Variants in SBF2 observed in about 807,000 individuals in gnomAD.
SBF2 encodes the protein SET binding factor 2.
A neutral mutation model predicts 225.2 loss-of-function variants in SBF2; 112 were observed. The ratio of observed to expected loss-of-function variants is 0.50; its 90% CI spans 0.43 to 0.58. The LOEUF is 0.58. SBF2 is among the 20% of genes least tolerant of loss of function. The pLI, the probability that SBF2 is intolerant of heterozygous loss-of-function variation, is 0.00. For synonymous variants in SBF2, 763 were observed against 773.3 expected (o/e 0.99, Z 0.22); for missense variants, 1,996 against 2,206.2 (o/e 0.90, Z 1.91).
chr11:9,910,915 T>C (rs1590409914), intron 16 of SBF2, among the ~76,000 whole-genome samples: 1 of 139,426 alleles, frequency 7.2e-6, no homozygotes, highest in Non-Finnish European at 1.5e-5. Context: ...AAAAATTAGC[T>C]GGGCATGGTG....
At chr11:9,899,508 A>T (rs1861546827) in intron 16 of SBF2, among the ~76,000 whole-genome samples, 1 of 151,192 alleles carries the variant, frequency 6.6e-6, no homozygotes, top group Non-Finnish European at 1.5e-5. Context: ...TGTCAAAAAA[A>T]AAAAAAAGCC....
chr11:9,936,137 G>A (rs1200017590), intron 16 of SBF2, among the ~76,000 whole-genome samples: 2 of 152,162 alleles, frequency 1.3e-5, no homozygotes, highest in East Asian at 3.9e-4. Flanking sequence ...CAAAAAGTGG[G>A]TGAAGTATAT....
intron 1 of SBF2, among the ~76,000 whole-genome samples, chr11:10,263,335 T>G (rs1197496618): frequency 6.9e-6 from 1 of 145,486 alleles, no homozygotes; most frequent in Non-Finnish European, 1.5e-5. Flanking sequence ...AAAATTCAAG[T>G]TTTTTTTTAA....
chr11:10,075,013 T>C (rs1295662789), intron 2 of SBF2, among the ~76,000 whole-genome samples: 1 of 152,214 alleles, frequency 6.6e-6, no homozygotes, highest in East Asian at 1.9e-4. Flanking sequence ...AACAATGGAA[T>C]AAACTATGTC....
chr11:10,135,371 A>G (rs1954297169), intron 2 of SBF2, among the ~76,000 whole-genome samples: 1 of 152,210 alleles, frequency 6.6e-6, no homozygotes, highest in South Asian at 2.1e-4. Context: ...GGCCTTGGCA[A>G]TTAACATTTG....
intron 13 of SBF2, among the ~76,000 whole-genome samples, chr11:9,975,080 C>T (rs190579933): frequency 5.6e-4 from 83 of 149,154 alleles, no homozygotes; most frequent in Admixed American, 1.5e-3. Context: ...TGCAAAATAA[C>T]GTAGACACTT....
intron 28 of SBF2, among the ~76,000 whole-genome samples, chr11:9,829,135 A>T (rs1429343182): frequency 6.6e-6 from 1 of 152,210 alleles, no homozygotes; most frequent in Non-Finnish European, 1.5e-5. Context: ...AAAACAAAAA[A>T]GAAAAAACTG....
chr11:9,899,265 A>C (rs1861523790), intron 16 of SBF2, among the ~76,000 whole-genome samples: 1 of 151,350 alleles, frequency 6.6e-6, no homozygotes, highest in African/African-American at 2.4e-5. Context: ...AAGCCAAGGC[A>C]GGAGGACTGC....
chr11:10,149,271 C>T (rs1232854070), intron 2 of SBF2: 4 of 152,192 alleles, frequency 2.6e-5, no homozygotes, highest in Non-Finnish European at 4.4e-5. Flanking sequence ...TGTGTAGCCA[C>T]TCGGCTACAC....
intron 1 of SBF2, among the ~76,000 whole-genome samples, chr11:10,255,588 G>A (rs1217126015): frequency 6.6e-6 from 1 of 152,148 alleles, no homozygotes; most frequent in Non-Finnish European, 1.5e-5. Context: ...AACACTATTA[G>A]GCTTTCCTAG....
At chr11:10,028,602 C>T (rs1436758166) in intron 5 of SBF2, 45 bp from the exon 6 acceptor site, 2 of 1,269,818 alleles carry the variant, frequency 1.6e-6, no homozygotes, top group Non-Finnish European at 2.3e-6. Flanking sequence ...ACGATTTCAG[C>T]CATTTTTTAA....
chr11:9,981,381 C>A (rs535511579), intron 13 of SBF2, among the ~76,000 whole-genome samples: 9 of 152,148 alleles, frequency 5.9e-5, no homozygotes, highest in African/African-American at 1.9e-4. Flanking sequence ...TGGCATCAAT[C>A]GTACCCTAAA....
At chr11:9,837,424 CA>C (rs1229844248) in intron 26 of SBF2, among the ~76,000 whole-genome samples, 2 of 152,184 alleles carry the variant, frequency 1.3e-5, no homozygotes, top group African/African-American at 4.8e-5. Flanking sequence ...TTTGCATTTG[CA>C]AAATGCTTAT....
intron 16 of SBF2, among the ~76,000 whole-genome samples, chr11:9,942,889 GAA>G (rs201082797): frequency 2.5e-5 from 2 of 78,590 alleles, no homozygotes; most frequent in African/African-American, 4.4e-5. Context: ...GAAAAGAAAA[GAA>G]AGAGAGAGAG....
chr11:9,914,179 T>G (rs1267376066), intron 16 of SBF2, among the ~76,000 whole-genome samples: 1 of 152,232 alleles, frequency 6.6e-6, no homozygotes, highest in Non-Finnish European at 1.5e-5. Flanking sequence ...GTGATTAATA[T>G]GCTAGGGGCT....
chr11:10,099,837 T>G (rs1952198736), intron 2 of SBF2, among the ~76,000 whole-genome samples: 2 of 151,944 alleles, frequency 1.3e-5, no homozygotes, highest in African/African-American at 4.8e-5. Context: ...CACACACCTC[T>G]AATAGAAACA....
intron 23 of SBF2, among the ~76,000 whole-genome samples, chr11:9,846,747 T>C (rs1186389050): frequency 2.0e-5 from 3 of 152,206 alleles, no homozygotes; most frequent in Non-Finnish European, 2.9e-5. Context: ...GAGTATCTGC[T>C]GGTACTCTGA....
At chr11:9,989,045 T>G (rs1370175846) in intron 13 of SBF2, among the ~76,000 whole-genome samples, 1 of 151,318 alleles carries the variant, frequency 6.6e-6, no homozygotes, top group African/African-American at 2.4e-5. Flanking sequence ...GCCAAATATA[T>G]ATATATATAT....
chr11:10,038,115 T>C (rs1230511238), intron 3 of SBF2, among the ~76,000 whole-genome samples: 1 of 151,996 alleles, frequency 6.6e-6, no homozygotes, highest in African/African-American at 2.4e-5. Flanking sequence ...ATAATTGTTT[T>C]TACCCTTGAC....
Sources: allele counts gnomAD v4.1 joint callset (sites outside exome capture counted in the v4.1 genomes callset), GRCh38; gene constraint gnomAD v4.1.1; transcripts MANE v1.5; gene names NCBI Gene and HGNC (gene_info 2026-07-23, HGNC 2026-07-21).